Variants in GBE1 observed in about 807,000 individuals in gnomAD.
GBE1 encodes the protein 1,4-alpha-glucan-branching enzyme.
A neutral mutation model predicts 88.8 loss-of-function variants in GBE1; 70 were observed. The ratio of observed to expected loss-of-function variants is 0.79; its 90% confidence interval spans 0.65 to 0.96. The LOEUF (loss-of-function observed/expected upper bound fraction) is 0.96. GBE1 is among the 40% of genes least tolerant of loss of function. The pLI, the probability that GBE1 is intolerant of heterozygous loss-of-function variation, is 0.00. For synonymous variants in GBE1, 284 were observed against 300.1 expected, an observed-to-expected ratio of 0.95 and a Z score of 0.56; for missense variants, 872 against 871.0, an observed-to-expected ratio of 1.00 and a Z score of -0.01.
intron 1 of GBE1, among the ~76,000 whole-genome samples, chr3:81,722,541 A>G (rs1706048324): frequency 6.6e-6 from 1 of 151,926 alleles, no homozygotes; most frequent in Admixed American, 6.6e-5. Flanking sequence ...AAATAATTTA[A>G]AAGTTTTAAG....
chr3:81,617,172 G>A (rs1004729855), intron 7 of GBE1, among the ~76,000 whole-genome samples: 2 of 151,546 alleles, frequency 1.3e-5, no homozygotes, highest in Non-Finnish European at 3.0e-5. Flanking sequence ...AAAGAGAAAG[G>A]AAAGTTTTAT....
chr3:81,542,623 ATTTGTCAT>A (rs1418509265), intron 12 of GBE1, among the ~76,000 whole-genome samples: 1 of 152,064 alleles, frequency 6.6e-6, no homozygotes, highest in Non-Finnish European at 1.5e-5. Context: ...AATTTAAAAT[ATTTGTCAT>A]TTCAATACCA....
Position 81,577,906 on chromosome 3 carries a change from G to A in GBE1, c.1618+19C>T, listed in dbSNP as rs1703670100. 1 of 1,561,456 alleles carries A rather than the reference G, an allele frequency of 6.4e-7. No homozygotes were observed. The highest frequency in any genetic ancestry group is 2.1e-5 in the Admixed American group (1 of 48,680). On this transcript the variant is annotated intron_variant, in intron 12 of 15. Coordinates refer to ENST00000429644, the MANE Select transcript of GBE1 (RefSeq NM_000158.4). ...AACATTTTAAACACAAATTGCATAT[G>A]TGTTTAACTCACACTTACCCATGAA...
intron 2 of GBE1, among the ~76,000 whole-genome samples, chr3:81,676,388 T>C (rs1705252666): frequency 6.6e-6 from 1 of 152,144 alleles, no homozygotes; most frequent in African/African-American, 2.4e-5. Context: ...TTTGTTTACA[T>C]TGTGACTAAG....
At chr3:81,620,822 ATCT>A (rs1415748174) in intron 7 of GBE1, among the ~76,000 whole-genome samples, 2 of 152,272 alleles carry the variant, frequency 1.3e-5, no homozygotes, top group East Asian at 1.9e-4. Context: ...AGGACAGGAG[ATCT>A]TCTATGAAAG....
At chr3:81,596,433 C>T (rs1240911326) in intron 7 of GBE1, among the ~76,000 whole-genome samples, 1 of 151,758 alleles carries the variant, frequency 6.6e-6, no homozygotes, top group African/African-American at 2.4e-5. Context: ...GCTATCTCTC[C>T]CCGCTAAGTC....
chr3:81,704,713 GT>G (rs1705747860), intron 2 of GBE1, among the ~76,000 whole-genome samples: 1 of 151,948 alleles, frequency 6.6e-6, no homozygotes, highest in Non-Finnish European at 1.5e-5. Flanking sequence ...ATTTTTTCCA[GT>G]TATTCCACTT....
At chr3:81,663,809 AG>A (rs1467915747) in intron 3 of GBE1, among the ~76,000 whole-genome samples, 2 of 152,142 alleles carry the variant, frequency 1.3e-5, no homozygotes, top group Non-Finnish European at 2.9e-5. Context: ...GTTCTCGCAG[AG>A]GTTTGAGCAG....
At chr3:81,684,048 G>T (rs115791766) in intron 2 of GBE1, among the ~76,000 whole-genome samples, 253 of 152,264 alleles carry the variant, frequency 1.7e-3, no homozygotes, top group African/African-American at 5.8e-3. Flanking sequence ...TGTCCTTAGT[G>T]CTTGACATTC....
In GBE1 at chr3:81,549,250, G is replaced by A. The variant is rs540609830; in HGVS notation, c.1619-12155C>T. On this transcript the variant is annotated intron_variant, in intron 12 of 15. Transcript: ENST00000429644. The stretch of plus-strand genomic sequence containing the variant: ...TCACCTTCTTGGCCAGGCTGGTCTC[G>A]AACTCCTGACCTTGTGATTCACCCT... Among the ~76,000 whole-genome samples, 10 of 151,096 alleles carry A rather than the reference G, an allele frequency of 6.6e-5. 1 individual carries two copies. In the South Asian group the frequency reaches 1.9e-3, roughly 28 times the overall value.
At chr3:81,740,766 G>GCACACA (rs71633686) in intron 1 of GBE1, among the ~76,000 whole-genome samples, 33,650 of 149,148 alleles carry the variant, frequency 0.23, 4,492 homozygotes, top group African/African-American at 0.38. Flanking sequence ...GTTAGAAAGT[G>GCACACA]CACACACACA....
rs1030330721 is a variant in GBE1, at chr3:81,590,935, C to T, written c.1236+102G>A. On this transcript the variant is annotated intron_variant, in intron 9 of 15. Coordinates refer to ENST00000429644, the MANE Select transcript of GBE1 (RefSeq NM_000158.4). ...TATACTCAGGGTAGAATTTCATTTA[C>T]GCAATTATTGACAACATGAGATTGA... 3.5e-5 allele frequency: 35 copies of T among 996,568 alleles called. 1 individual carries two copies. The highest frequency in any genetic ancestry group is 4.4e-4 in the Middle Eastern group (2 of 4,540). The allele number at this position is 996,568 out of a possible 1,614,324, so 61.7% of individuals were successfully genotyped here.
At chr3:81,713,952 C>T (rs1705906517) in intron 1 of GBE1, among the ~76,000 whole-genome samples, 1 of 152,100 alleles carries the variant, frequency 6.6e-6, no homozygotes, top group South Asian at 2.1e-4. Flanking sequence ...AGATAAAAGA[C>T]ATTATAAAGT....
At chr3:81,588,707 G>A (rs1703833405) in intron 9 of GBE1, among the ~76,000 whole-genome samples, 2 of 152,092 alleles carry the variant, frequency 1.3e-5, no homozygotes, top group African/African-American at 4.8e-5. Context: ...CATTCCTCAT[G>A]ATTGCTTCCT....
intron 1 of GBE1, among the ~76,000 whole-genome samples, chr3:81,714,441 C>T (rs1052941915): frequency 2.0e-5 from 3 of 152,110 alleles, no homozygotes; most frequent in African/African-American, 7.2e-5. Flanking sequence ...AGCACAATAT[C>T]TTTCATGTGA....
At chr3:81,724,223 T>C in intron 1 of GBE1, among the ~76,000 whole-genome samples, 1 of 152,220 alleles carries the variant, frequency 6.6e-6, no homozygotes, top group Non-Finnish European at 1.5e-5. Context: ...ACAGGAAATA[T>C]ATATGTTTAT....
intron 12 of GBE1, among the ~76,000 whole-genome samples, chr3:81,558,877 G>A (rs1389569047): frequency 3.3e-5 from 5 of 152,016 alleles, no homozygotes; most frequent in Non-Finnish European, 7.4e-5. Context: ...GGTGTCTGTA[G>A]GAAAGAAATC....
intron 12 of GBE1, among the ~76,000 whole-genome samples, chr3:81,544,068 G>C (rs955536833): frequency 6.6e-6 from 1 of 151,986 alleles, no homozygotes; most frequent in Admixed American, 6.6e-5. Flanking sequence ...GGATTCTCCA[G>C]GCATCCAAAG....
chr3:81,517,547 G>A (rs564554416), intron 14 of GBE1, among the ~76,000 whole-genome samples: 6 of 151,238 alleles, frequency 4.0e-5, no homozygotes, highest in African/African-American at 1.5e-4. Context: ...AAAAGAAATG[G>A]TTAGCTAATG....
Sources: gnomAD v4.1 joint callset for allele counts (sites outside exome capture counted in the v4.1 genomes callset) on GRCh38, gnomAD v4.1.1 for gene constraint, MANE v1.5 for transcripts, NCBI Gene and HGNC (gene_info 2026-07-23, HGNC 2026-07-21) for gene names.